STAB2: variants seen among roughly 807,000 people sequenced by gnomAD.
STAB2 encodes stabilin-2.
A neutral mutation model predicts 338.1 loss-of-function variants in STAB2; 288 were observed. That is an observed-to-expected ratio of 0.85 (90% CI 0.77 to 0.94). The LOEUF is 0.94. Among genes scored for constraint, STAB2 ranks in the 40% least tolerant of loss-of-function variants. The pLI is 0.00. For missense variants in STAB2, 3,141 were observed against 3,210.1 expected (o/e 0.98, Z 0.52); for synonymous variants, 1,202 against 1,193.3 (o/e 1.01, Z -0.15).
chr12:103,654,888 C>T lies in STAB2; in HGVS notation c.1551+190C>T, dbSNP rs75871013. 3.1e-3 allele frequency: 2,089 copies of T among 680,214 alleles called. 69 individuals are homozygous for T. The East Asian group carries it at 0.057, about 19-fold the overall frequency. 42.1% of individuals were successfully genotyped at this position (680,214 alleles called of 1,614,324 possible). A position where few individuals can be genotyped will look rare whatever the true frequency, so the allele number is the denominator to read the frequency against. On this transcript the variant is annotated intron_variant, in intron 13 of 68. Transcript: ENST00000388887. ...GAATCTCTGCAGAAAGAAAGCAAGA[C>T]GTACAGTAACATATGTGGGAAAGAT...
chr12:103,697,276 T>C (rs752112645), intron 33 of STAB2, among the ~76,000 whole-genome samples: 4 of 152,186 alleles, frequency 2.6e-5, no homozygotes, highest in South Asian at 2.1e-4. Context: ...GATTATAAGC[T>C]CTGAAGGCAG....
intron 63 of STAB2, among the ~76,000 whole-genome samples, chr12:103,757,273 A>G (rs1884203614): frequency 6.6e-6 from 1 of 151,350 alleles, no homozygotes; most frequent in Admixed American, 6.6e-5. Context: ...CTTTTTGTAG[A>G]GATGGACTCT....
At chr12:103,668,848 C>T in intron 20 of STAB2, 119 bp downstream of exon 20, 6 of 832,214 alleles carry the variant, frequency 7.2e-6, no homozygotes, top group South Asian at 3.6e-5. Context: ...TGTTGTCTTC[C>T]TGCAGAGGAA....
At position 103,749,289 on chromosome 12, in the gene STAB2, G is replaced by A. The variant is rs1883367946; in HGVS notation, c.6438+133G>A. On this transcript the variant is annotated intron_variant, in intron 59 of 68. Transcript: ENST00000388887. ...TTTTTTCTAGCACAGTCTGTTTCTT[G>A]TTAAAAGTCATTGGGCTAAATGCAA... is the stretch of plus-strand genomic sequence containing the variant. The A allele has an allele frequency of 8.3e-6, 9 of 1,078,978 alleles. No homozygotes were observed. In the South Asian group the frequency reaches 2.0e-4, roughly 24 times the overall value. 66.8% of individuals were successfully genotyped at this position (1,078,978 alleles called of 1,614,324 possible).
chr12:103,679,603 G>A lies in STAB2; in HGVS notation c.2805+1992G>A, dbSNP rs925514961. Among the ~76,000 whole-genome samples, 6 of 152,102 alleles carry A rather than the reference G, an allele frequency of 3.9e-5. No individual in the cohort carries two copies. In the East Asian group the frequency reaches 9.6e-4, roughly 24 times the overall value. On this transcript the variant is annotated intron_variant, in intron 25 of 68. Coordinates refer to ENST00000388887, the MANE Select transcript of STAB2 (RefSeq NM_017564.10). ...AGGTGCTTCTCGGGGAGTGACAGTT[G>A]GCAATGGGACAGGGATAGAAAATCT...
At position 103,693,988 on chromosome 12, in the gene STAB2, T is replaced by TAAA. The variant is rs540825862; in HGVS notation, c.3375+1112_3375+1114dup. Reference sequence around the variant, plus strand: ...CAACATGGTGAAGCCCCCTCTCTACTAAAAAAAAAAAAAAAGTACAAGATG... The same window carrying TAAA: ...CAACATGGTGAAGCCCCCTCTCTACTAAAAAAAAAAAAAAAAAAGTACAAGATG... On this transcript the variant is annotated intron_variant, in intron 31 of 68. Coordinates refer to ENST00000388887, the MANE Select transcript of STAB2 (RefSeq NM_017564.10). 6.9e-3 allele frequency among the ~76,000 whole-genome samples: 938 copies of TAAA among 136,384 alleles called. 7 individuals are homozygous for TAAA. Among genetic ancestry groups the TAAA allele is most frequent in the African/African-American group, 0.024 (894 of 37,602 alleles). 89.5% of individuals were successfully genotyped at this position (136,384 alleles called of 152,430 possible).
At chr12:103,614,473 C>A (rs1324120948) in intron 3 of STAB2, among the ~76,000 whole-genome samples, 1 of 152,208 alleles carries the variant, frequency 6.6e-6, no homozygotes, top group Non-Finnish European at 1.5e-5. Flanking sequence ...AACCTAACTG[C>A]TGATTAGTCA....
chr12:103,638,131 C>G lies in STAB2; in HGVS notation c.825C>G (p.Cys275Trp), dbSNP rs1435018860. The change falls in exon 8 of 69, where the codon TGC becomes TGG. Residue 275 changes from cysteine (C) to tryptophan (W), a missense_variant. Physicochemically the swap from Cys to Trp is radical, Grantham distance 215. Transcript: ENST00000388887. ...QEGYRGDGQV[C>W]LPVDPCQINF... ...GCTACCGTGGGGATGGCCAAGTGTGCTTGCCTGTGGACCCCTGCCAAATTA... is the reference window on the plus strand; with the variant it reads ...GCTACCGTGGGGATGGCCAAGTGTGGTTGCCTGTGGACCCCTGCCAAATTA... 1 of 1,614,218 alleles carries G rather than the reference C, an allele frequency of 6.2e-7. No individual in the cohort carries two copies. Among genetic ancestry groups the G allele is most frequent in the Non-Finnish European group, 8.5e-7 (1 of 1,180,036 alleles).
intron 12 of STAB2, among the ~76,000 whole-genome samples, chr12:103,654,078 G>C (rs866371127): frequency 2.0e-5 from 3 of 152,172 alleles, no homozygotes; most frequent in African/African-American, 7.2e-5. Flanking sequence ...TTCTCACAAG[G>C]ATATGCATGT....
chr12:103,591,311 C>T (rs1052911962), intron 2 of STAB2, among the ~76,000 whole-genome samples: 4 of 151,944 alleles, frequency 2.6e-5, no homozygotes, highest in African/African-American at 9.7e-5. Flanking sequence ...ATGGTGAAAA[C>T]TCATCTCTAC....
intron 3 of STAB2, among the ~76,000 whole-genome samples, chr12:103,609,181 G>A (rs1445895792): frequency 6.6e-6 from 1 of 152,150 alleles, no homozygotes; most frequent in Non-Finnish European, 1.5e-5. Flanking sequence ...CTCTTTTTTG[G>A]TTCCATATGA....
chr12:103,683,331 T>TA (rs59684257), intron 26 of STAB2, 31 bp downstream of exon 26: 255,967 of 1,170,854 alleles, frequency 0.22, 1,533 homozygotes, highest in Non-Finnish European at 0.23. Flanking sequence ...TTTCATTACT[T>TA]AAAAAAAAAA....
At chr12:103,686,667 A>G (rs565562796) in intron 27 of STAB2, among the ~76,000 whole-genome samples, 1 of 152,220 alleles carries the variant, frequency 6.6e-6, no homozygotes, top group East Asian at 1.9e-4. Context: ...CACCACACTC[A>G]GCTAATTTTT....
In STAB2 at chr12:103,637,253, T is replaced by G. The variant is rs754640767; in HGVS notation, c.709+17T>G. 15 of 1,606,998 alleles carry G rather than the reference T, an allele frequency of 9.3e-6. No individual in the cohort carries two copies. The East Asian group carries it at 3.4e-4, about 36-fold the overall frequency. On this transcript the variant is annotated intron_variant, in intron 7 of 68. Coordinates refer to ENST00000388887, the MANE Select transcript of STAB2 (RefSeq NM_017564.10). ...ACTGCGACCGTGAGTAGAATTTAGATTCTGCTAGTTTATTCATTGAGATGT... is the reference window on the plus strand; with the variant it reads ...ACTGCGACCGTGAGTAGAATTTAGAGTCTGCTAGTTTATTCATTGAGATGT...
chr12:103,664,434 G>A (rs1051868802), intron 18 of STAB2, among the ~76,000 whole-genome samples: 7 of 152,272 alleles, frequency 4.6e-5, no homozygotes, highest in South Asian at 2.1e-4. Flanking sequence ...GTGAGCCACC[G>A]CCCCTGGCCA....
rs1490451169 is a variant in STAB2, at chr12:103,707,031, C to T, written c.4192+44C>T. On this transcript the variant is annotated intron_variant, in intron 38 of 68. Transcript: ENST00000388887. ...ACAGAGGATCTTGGGCTGCTGAAAC[C>T]AACCAGGAATATGCAGGGAAAGAGT... 2.5e-6 allele frequency: 4 copies of T among 1,599,862 alleles called. 1 individual carries two copies. The highest frequency in any genetic ancestry group is 2.7e-5 in the African/African-American group (2 of 74,876).
chr12:103,616,101 A>G (rs577463501), intron 3 of STAB2, among the ~76,000 whole-genome samples: 1 of 152,326 alleles, frequency 6.6e-6, no homozygotes, highest in African/African-American at 2.4e-5. Flanking sequence ...ATTTTTTAAA[A>G]GAAAGGTATA....
intron 34 of STAB2, among the ~76,000 whole-genome samples, chr12:103,701,195 A>T (rs1338830930): frequency 2.6e-5 from 4 of 151,146 alleles, no homozygotes; most frequent in Admixed American, 2.0e-4. Flanking sequence ...ATCATTTTTT[A>T]TGGCTGCATA....
intron 15 of STAB2, 90 bp from the exon 16 acceptor site, chr12:103,660,241 G>A (rs1003898991): frequency 1.5e-6 from 2 of 1,357,506 alleles, no homozygotes; most frequent in Non-Finnish European, 1.1e-6. Flanking sequence ...CATTTTTCTT[G>A]ATTGTCTAAC....
Sources: gnomAD v4.1 joint callset for allele counts (sites outside exome capture counted in the v4.1 genomes callset) on GRCh38, gnomAD v4.1.1 for gene constraint, MANE v1.5 for transcripts, NCBI Gene and HGNC (gene_info 2026-07-23, HGNC 2026-07-21) for gene names.